Variants in PTPDC1 observed in about 807,000 individuals in gnomAD.
The protein encoded by PTPDC1 is protein tyrosine phosphatase domain-containing protein 1.
PTPDC1 carries 53 observed loss-of-function variants against 75.3 expected under a neutral mutation model. That is an observed-to-expected ratio of 0.70 (90% CI 0.56 to 0.88). The LOEUF (loss-of-function observed/expected upper bound fraction) is 0.88, where lower values mean the gene tolerates loss of function less well. Ranked by LOEUF, PTPDC1 falls within the 40% of genes least tolerant of loss-of-function variation. PTPDC1 has a pLI of 0.00. For synonymous variants in PTPDC1, 349 were observed against 366.2 expected (o/e 0.95, Z 0.54); for missense variants, 925 against 998.6 (o/e 0.93, Z 0.99).
In PTPDC1 at chr9:94,095,354, A is replaced by G. The variant is rs750348464; in HGVS notation, c.654A>G (p.Val218=). The G allele has an allele frequency of 1.9e-6, 3 of 1,612,224 alleles. No homozygotes were observed. Among genetic ancestry groups the G allele is most frequent in the Admixed American group, 3.3e-5 (2 of 59,862 alleles). The change falls in exon 5 of 9, where the codon GTA becomes GTG. Residue 218 remains valine, a synonymous_variant. Transcript: ENST00000620992. Reference sequence around the variant, plus strand: ...ATTTCGGATGGAAGGATTATGGTGTAGCGTCTCTTACTACTATCCTAGATA... The same window carrying G: ...ATTTCGGATGGAAGGATTATGGTGTGGCGTCTCTTACTACTATCCTAGATA... ...FYNFGWKDYG[V]ASLTTILDMV...
chr9:94,107,333 GT>G (rs780147478), intron 8 of PTPDC1, among the ~76,000 whole-genome samples: 15 of 152,180 alleles, frequency 9.9e-5, no homozygotes, highest in Non-Finnish European at 1.8e-4. Context: ...CATTATCTCT[GT>G]TTTACAAAGG....
intron 2 of PTPDC1, among the ~76,000 whole-genome samples, chr9:94,078,604 G>GTA (rs1198531459): frequency 1.3e-5 from 2 of 152,094 alleles, no homozygotes; most frequent in African/African-American, 4.8e-5. Context: ...TTATAGTAGG[G>GTA]TATATGTTGG....
At chr9:94,049,253 A>G (rs930376517) in intron 1 of PTPDC1, among the ~76,000 whole-genome samples, 2 of 152,124 alleles carry the variant, frequency 1.3e-5, no homozygotes, top group Admixed American at 1.3e-4. Context: ...CAAATTCACT[A>G]ACCTGATGTT....
chr9:94,067,752 C>T (rs1042227831), intron 2 of PTPDC1, among the ~76,000 whole-genome samples: 2 of 152,140 alleles, frequency 1.3e-5, no homozygotes, highest in Admixed American at 6.5e-5. Flanking sequence ...CAGGCATGCG[C>T]CACCATGCCT....
At chr9:94,056,842 G>T (rs1825954615) in intron 1 of PTPDC1, among the ~76,000 whole-genome samples, 1 of 152,174 alleles carries the variant, frequency 6.6e-6, no homozygotes, top group African/African-American at 2.4e-5. Flanking sequence ...ATTAGTGAGT[G>T]TGTGGCTAAT....
intron 1 of PTPDC1, among the ~76,000 whole-genome samples, chr9:94,049,537 C>T (rs1372829482): frequency 9.2e-5 from 14 of 152,228 alleles, no homozygotes; most frequent in African/African-American, 2.6e-4. Flanking sequence ...TGTTGAATAT[C>T]GGCCCCCACT....
chr9:94,104,875 A>G (rs10993054), intron 8 of PTPDC1, among the ~76,000 whole-genome samples: 8,065 of 152,322 alleles, frequency 0.053, 310 homozygotes, highest in Non-Finnish European at 0.082. Flanking sequence ...TTTTGGATGC[A>G]GCAGTTTTTC....
At chr9:94,090,439 A>G (rs1174789690) in intron 4 of PTPDC1, among the ~76,000 whole-genome samples, 2 of 149,850 alleles carry the variant, frequency 1.3e-5, no homozygotes, top group Non-Finnish European at 3.0e-5. Flanking sequence ...ATTGATCTAT[A>G]TCTCTGTTTT....
At chr9:94,078,653 T>C (rs1257615572) in intron 2 of PTPDC1, among the ~76,000 whole-genome samples, 2 of 152,208 alleles carry the variant, frequency 1.3e-5, no homozygotes, top group Non-Finnish European at 2.9e-5. Flanking sequence ...GAGGCTTTGT[T>C]CATTTTTTCA....
At chr9:94,106,595 A>G (rs1003444680) in intron 8 of PTPDC1, among the ~76,000 whole-genome samples, 1 of 152,194 alleles carries the variant, frequency 6.6e-6, no homozygotes, top group Non-Finnish European at 1.5e-5. Flanking sequence ...CTGACCCAGG[A>G]ATCTCGTATC....
At position 94,098,308 on chromosome 9, in the gene PTPDC1, G is replaced by A. The variant is rs1380398613; in HGVS notation, c.1742G>A (p.Cys581Tyr). 3 of 1,614,122 alleles carry A rather than the reference G, an allele frequency of 1.9e-6. No individual in the cohort carries two copies. The highest frequency in any genetic ancestry group is 2.5e-6 in the Non-Finnish European group (3 of 1,180,052). The change falls in exon 6 of 9, where the codon TGT becomes TAT. Residue 581 changes from cysteine (C) to tyrosine (Y), a missense_variant. Cys to Tyr is a radical substitution (Grantham distance 194, BLOSUM62 -2). Coordinates refer to ENST00000620992, the MANE Select transcript of PTPDC1 (RefSeq NM_001253829.2). ...PAHQQVSHCQ[C>Y]KTHGVGSPGS... ...CACCAGCAAGTGTCTCACTGTCAGT[G>A]TAAAACTCATGGTGTTGGGAGCCCT... is the stretch of plus-strand genomic sequence containing the variant.
In PTPDC1 at chr9:94,031,562, T is replaced by C. The variant is rs78852144; in HGVS notation, c.-7+435T>C. The stretch of plus-strand genomic sequence containing the variant: ...TTTAGGTCTAATTCTGCCACTAAAT[T>C]AGTCACGTGACCTTGACCAAGTCAT... On this transcript the variant is annotated intron_variant, in intron 1 of 9. Transcript: ENST00000375360. Among the ~76,000 whole-genome samples the C allele has an allele frequency of 1.1e-4, 16 of 152,260 alleles. No individual in the cohort carries two copies. The East Asian group carries it at 3.1e-3, about 29-fold the overall frequency.
At chr9:94,087,736 C>A in intron 2 of PTPDC1, 95 bp from the exon 3 acceptor site, 2 of 793,114 alleles carry the variant, frequency 2.5e-6, no homozygotes, top group Non-Finnish European at 4.2e-6. Flanking sequence ...TTGTTGAAAT[C>A]ATAGAAAAAA....
At chr9:94,039,138 G>A (rs765658231) in intron 1 of PTPDC1, among the ~76,000 whole-genome samples, 16 of 152,248 alleles carry the variant, frequency 1.1e-4, no homozygotes, top group Non-Finnish European at 1.6e-4. Flanking sequence ...CAACTTAAAA[G>A]TAGAGAAGAT....
chr9:94,040,049 G>T (rs1825384741), intron 1 of PTPDC1, among the ~76,000 whole-genome samples: 1 of 152,130 alleles, frequency 6.6e-6, no homozygotes, highest in Admixed American at 6.5e-5. Flanking sequence ...GTAGAAAAAG[G>T]CCAAGGAAAG....
chr9:94,064,784 C>G, exon 2 of PTPDC1: 1 of 1,613,502 alleles, frequency 6.2e-7, no homozygotes, highest in Non-Finnish European at 8.5e-7. Flanking sequence ...CATATTCTAC[C>G]TTGGTGAATA....
At chr9:94,103,512 C>T (rs1827915583) in intron 7 of PTPDC1, among the ~76,000 whole-genome samples, 2 of 152,172 alleles carry the variant, frequency 1.3e-5, no homozygotes, top group African/African-American at 4.8e-5. Flanking sequence ...GGCAATTCAC[C>T]TAGGGCATTT....
At chr9:94,103,406 CAT>C (rs1050386271) in intron 7 of PTPDC1, among the ~76,000 whole-genome samples, 1 of 152,230 alleles carries the variant, frequency 6.6e-6, no homozygotes, top group Admixed American at 6.5e-5. Context: ...GTTGGCACCA[CAT>C]GTCAGAGCAG....
chr9:94,102,826 C>T (rs533801689), intron 7 of PTPDC1, among the ~76,000 whole-genome samples: 1 of 152,306 alleles, frequency 6.6e-6, no homozygotes, highest in East Asian at 1.9e-4. Flanking sequence ...GATCCACCCA[C>T]CTTGGCCTCC....
Sources: gnomAD v4.1 joint callset for allele counts (sites outside exome capture counted in the v4.1 genomes callset) on GRCh38, gnomAD v4.1.1 for gene constraint, MANE v1.5 for transcripts, NCBI Gene and HGNC (gene_info 2026-07-23, HGNC 2026-07-21) for gene names.